UBE2K: variants seen among roughly 807,000 people sequenced by gnomAD.
UBE2K encodes the protein ubiquitin conjugating enzyme E2 K.
In UBE2K, 6 loss-of-function variants were observed where a neutral mutation model predicts 30.0. The ratio of observed to expected loss-of-function variants is 0.20; its 90% confidence interval spans 0.11 to 0.39. The LOEUF is 0.39. Ranked by LOEUF, UBE2K falls within the 10% of genes least tolerant of loss-of-function variation. UBE2K has a pLI of 1.00. For synonymous variants in UBE2K, 86 were observed against 83.7 expected, an observed-to-expected ratio of 1.03 and a Z score of -0.15; for missense variants, 61 against 241.6, an observed-to-expected ratio of 0.25 and a Z score of 4.96.
At chr4:39,769,375 T>C (rs1163063575) in intron 4 of UBE2K, among the ~76,000 whole-genome samples, 1 of 151,592 alleles carries the variant, frequency 6.6e-6, no homozygotes, top group Non-Finnish European at 1.5e-5. Context: ...GCCCTTCTTG[T>C]GTTCTTTTCT....
chr4:39,698,283 A>G lies in UBE2K; in HGVS notation c.-45A>G, dbSNP rs1228032440. 5.7e-6 allele frequency: 9 copies of G among 1,588,278 alleles called. No individual in the cohort carries two copies. The highest frequency in any genetic ancestry group is 1.1e-5 in the South Asian group (1 of 88,242). ...AGGTGGCGGCGGTGGCGGTGGTCGT[A>G]GCGGTGGCGGAGGAGGCGGGTACGA... On this transcript the variant is annotated 5_prime_UTR_variant, in exon 1 of 7. Coordinates refer to ENST00000261427, the MANE Select transcript of UBE2K (RefSeq NM_005339.5).
At position 39,770,683 on chromosome 4, in the gene UBE2K, T is replaced by G; in HGVS notation, c.300-4151T>G. On this transcript the variant is annotated intron_variant, in intron 4 of 6. Transcript: ENST00000261427. Reference sequence around the variant, plus strand: ...ACACCCTGCGGTGGGGCCACAGTGCTGGGGGGCACGCTGCTCTGGGCCAGC... The same window carrying G: ...ACACCCTGCGGTGGGGCCACAGTGCGGGGGGGCACGCTGCTCTGGGCCAGC... 1.9e-6 allele frequency: 3 copies of G among 1,577,418 alleles called. No individual in the cohort carries two copies. The South Asian group carries it at 3.5e-5, about 19-fold the overall frequency.
At chr4:39,743,559 C>A (rs930593458) in intron 2 of UBE2K, among the ~76,000 whole-genome samples, 5 of 151,130 alleles carry the variant, frequency 3.3e-5, no homozygotes, top group African/African-American at 4.9e-5. Context: ...AGCCGAGATC[C>A]CGCCACTGCA....
intron 1 of UBE2K, among the ~76,000 whole-genome samples, chr4:39,731,923 T>G (rs1481211702): frequency 6.6e-6 from 1 of 152,194 alleles, no homozygotes; most frequent in Non-Finnish European, 1.5e-5. Flanking sequence ...CAATAAGAAT[T>G]ACTTGTAACT....
chr4:39,704,203 C>T (rs1209982430), intron 1 of UBE2K, among the ~76,000 whole-genome samples: 3 of 151,708 alleles, frequency 2.0e-5, no homozygotes, highest in South Asian at 2.1e-4. Flanking sequence ...CTGCAGTGAG[C>T]GGTGATTGTG....
chr4:39,751,949 C>A (rs1364799766), intron 3 of UBE2K, among the ~76,000 whole-genome samples: 3 of 152,066 alleles, frequency 2.0e-5, no homozygotes, highest in Admixed American at 2.0e-4. Flanking sequence ...CCCAGGCAAC[C>A]AAGTGAGACT....
intron 1 of UBE2K, among the ~76,000 whole-genome samples, chr4:39,724,575 C>T (rs1423856455): frequency 4.1e-5 from 5 of 121,298 alleles, no homozygotes; most frequent in South Asian, 2.8e-4. Context: ...GGTAAAACCC[C>T]GTCTCTGCAA....
At chr4:39,774,488 C>T (rs1226652313) in intron 4 of UBE2K, among the ~76,000 whole-genome samples, 1 of 151,670 alleles carries the variant, frequency 6.6e-6, no homozygotes, top group Admixed American at 6.6e-5. Flanking sequence ...AGGCGGGCCC[C>T]TGTAGTCTCA....
chr4:39,770,998 A>T (rs1712772413), intron 4 of UBE2K: 4 of 1,609,362 alleles, frequency 2.5e-6, no homozygotes, highest in African/African-American at 1.3e-5. Context: ...GTTGGCGCTG[A>T]CGCTGCTCAC....
chr4:39,775,960 C>T (rs1489809829), intron 5 of UBE2K, among the ~76,000 whole-genome samples: 1 of 152,138 alleles, frequency 6.6e-6, no homozygotes, highest in Non-Finnish European at 1.5e-5. Context: ...GACCTTGTTA[C>T]CTTTACTTTC....
intron 4 of UBE2K, among the ~76,000 whole-genome samples, chr4:39,756,380 A>G (rs1043468866): frequency 6.6e-6 from 1 of 152,170 alleles, no homozygotes; most frequent in African/African-American, 2.4e-5. Flanking sequence ...ATGGGTTGAT[A>G]CCCACTTCAT....
At chr4:39,758,530 T>G (rs1711643936) in intron 4 of UBE2K, among the ~76,000 whole-genome samples, 1 of 151,958 alleles carries the variant, frequency 6.6e-6, no homozygotes, top group Non-Finnish European at 1.5e-5. Flanking sequence ...ATAAATAAAT[T>G]AGCTGGGCAT....
intron 3 of UBE2K, among the ~76,000 whole-genome samples, chr4:39,753,666 T>G (rs551811602): frequency 6.6e-6 from 1 of 152,168 alleles, no homozygotes; most frequent in South Asian, 2.1e-4. Context: ...GAGTAGGAAT[T>G]AGTTGGGAGA....
intron 1 of UBE2K, among the ~76,000 whole-genome samples, chr4:39,731,363 A>G (rs759910105): frequency 7.3e-5 from 11 of 151,542 alleles, no homozygotes. Flanking sequence ...TTTTCATGTC[A>G]CTTCTGCTTT....
intron 4 of UBE2K, among the ~76,000 whole-genome samples, chr4:39,762,999 A>G (rs1202357408): frequency 1.5e-4 from 20 of 132,306 alleles, no homozygotes; most frequent in Admixed American, 9.4e-4. Flanking sequence ...CAATGGTGCA[A>G]TCTTGGCTCA....
chr4:39,778,648 AT>A lies in UBE2K; in HGVS notation c.*222del, dbSNP rs1578518123. The A allele has an allele frequency of 2.7e-5, 11 of 401,616 alleles. No individual in the cohort carries two copies. Among genetic ancestry groups the A allele is most frequent in the East Asian group, 8.0e-5 (2 of 25,010 alleles). The allele number at this position is 401,616 out of a possible 1,614,324, so 24.9% of individuals were successfully genotyped here. A position where few individuals can be genotyped will look rare whatever the true frequency, so the allele number is the denominator to read the frequency against. The stretch of plus-strand genomic sequence containing the variant: ...AAATTTAAAAAGGGGAAATACTTTA[AT>A]TTTTTTTCTTAATAGTGTAAAAATT... On this transcript the variant is annotated 3_prime_UTR_variant, in exon 7 of 7. Transcript: ENST00000261427.
chr4:39,767,367 C>T (rs1314566511), intron 4 of UBE2K, among the ~76,000 whole-genome samples: 4 of 149,902 alleles, frequency 2.7e-5, no homozygotes, highest in Non-Finnish European at 3.0e-5. Context: ...CTGGCTCTGT[C>T]GCCCAGGCTG....
intron 4 of UBE2K, among the ~76,000 whole-genome samples, chr4:39,757,003 T>TTTTTTTG (rs1560370454): frequency 7.3e-6 from 1 of 137,608 alleles, no homozygotes; most frequent in Non-Finnish European, 1.6e-5. Context: ...TTTGGGTGTT[T>TTTTTTTG]TTTTTTTGTT....
intron 2 of UBE2K, among the ~76,000 whole-genome samples, chr4:39,745,515 T>A (rs1336540911): frequency 6.6e-6 from 1 of 152,232 alleles, no homozygotes; most frequent in Non-Finnish European, 1.5e-5. Context: ...TATTTATCTC[T>A]GGCCTTGTTA....
Sources: gnomAD v4.1 joint callset for allele counts (sites outside exome capture counted in the v4.1 genomes callset) on GRCh38, gnomAD v4.1.1 for gene constraint, MANE v1.5 for transcripts, NCBI Gene and HGNC (gene_info 2026-07-23, HGNC 2026-07-21) for gene names.